The following AUTS2 variants were observed in gnomAD, a reference collection of about 807,000 sequenced individuals.
AUTS2 encodes the protein activator of transcription and developmental regulator AUTS2, also known as autism susceptibility gene 2 protein.
A neutral mutation model predicts 112.4 loss-of-function variants in AUTS2; 17 were observed. The ratio of observed to expected loss-of-function variants is 0.15; its 90% CI spans 0.10 to 0.23. The LOEUF is 0.23. AUTS2 is among the 10% of genes least tolerant of loss of function. The pLI, the probability that AUTS2 is intolerant of heterozygous loss-of-function variation, is 1.00. For missense variants in AUTS2, 1,510 were observed against 1,701.6 expected (o/e 0.89, Z 1.98); for synonymous variants, 751 against 702.7 (o/e 1.07, Z -1.09).
chr7:70,249,403 G>A (rs1813095383), intron 4 of AUTS2, among the ~76,000 whole-genome samples: 1 of 152,086 alleles, frequency 6.6e-6, no homozygotes, highest in South Asian at 2.1e-4. Flanking sequence ...GAAACCATAT[G>A]GGACAGTTCT....
intron 1 of AUTS2, among the ~76,000 whole-genome samples, chr7:69,623,357 G>C (rs1188803021): frequency 6.8e-6 from 1 of 147,676 alleles, no homozygotes. Flanking sequence ...CAAAAAGCTG[G>C]GACTACCACC....
chr7:70,787,467 G>T (rs1157683111), intron 18 of AUTS2, 36 bp downstream of exon 18: 3 of 1,475,502 alleles, frequency 2.0e-6, no homozygotes, highest in African/African-American at 1.4e-5. Flanking sequence ...CCCCACGGGG[G>T]AGCCTGCTCT....
In AUTS2 at chr7:69,751,549, G is replaced by A. The variant is rs79038995; in HGVS notation, c.310-147737G>A. On this transcript the variant is annotated intron_variant, in intron 1 of 18. Transcript: ENST00000342771. ...GTAAGTGTATTTAGGCAGGTGGAAG[G>A]TAAGAAGGGTAGATGAAAGGATGAA... 3.0e-3 allele frequency among the ~76,000 whole-genome samples: 455 copies of A among 152,272 alleles called. 3 individuals are homozygous for A. Among genetic ancestry groups the A allele is most frequent in the African/African-American group, 0.01 (430 of 41,548 alleles).
At chr7:70,626,547 C>T (rs1804961015) in intron 5 of AUTS2, among the ~76,000 whole-genome samples, 1 of 151,970 alleles carries the variant, frequency 6.6e-6, no homozygotes, top group Non-Finnish European at 1.5e-5. Context: ...TTAGGGGCTA[C>T]ATGTGCAGGT....
rs1585691879 is a variant in AUTS2, at chr7:70,786,149, T to A, written c.2308+111T>A. ...GGAAACTATGCTCTGGGGGGACCAG[T>A]GTAGGTTATATCACTGCAAAAGCAG... On this transcript the variant is annotated intron_variant, in intron 17 of 18. Transcript: ENST00000342771. The A allele has an allele frequency of 4.9e-5, 45 of 917,584 alleles. No individual in the cohort carries two copies. In the East Asian group the frequency reaches 1.2e-3, roughly 24 times the overall value. 56.8% of individuals were successfully genotyped at this position (917,584 alleles called of 1,614,324 possible). A position where few individuals can be genotyped will look rare whatever the true frequency, so the allele number is the denominator to read the frequency against.
At chr7:70,559,693 GACTC>G (rs952607048) in intron 5 of AUTS2, among the ~76,000 whole-genome samples, 2 of 151,896 alleles carry the variant, frequency 1.3e-5, no homozygotes, top group African/African-American at 4.8e-5. Flanking sequence ...TTTTAGCACC[GACTC>G]ACTCCTTTCC....
intron 1 of AUTS2, 119 bp from the exon 2 acceptor site, chr7:69,899,167 A>C (rs1041903927): frequency 1.4e-6 from 1 of 720,694 alleles, no homozygotes; most frequent in Non-Finnish European, 2.3e-6. Flanking sequence ...CTCATATCCC[A>C]CTTTCCTATC....
chr7:70,685,154 T>G (rs1808404893), intron 5 of AUTS2, among the ~76,000 whole-genome samples: 1 of 152,062 alleles, frequency 6.6e-6, no homozygotes, highest in Non-Finnish European at 1.5e-5. Flanking sequence ...AAGCTAGAAA[T>G]GAGGGTCCTC....
At chr7:70,705,600 CAG>C (rs1158829682) in intron 6 of AUTS2, among the ~76,000 whole-genome samples, 2 of 152,226 alleles carry the variant, frequency 1.3e-5, no homozygotes, top group African/African-American at 4.8e-5. Context: ...CTCCTGAACT[CAG>C]AGGTGCTGTT....
intron 5 of AUTS2, among the ~76,000 whole-genome samples, chr7:70,496,293 C>T (rs1258053440): frequency 1.9e-4 from 26 of 136,868 alleles, no homozygotes; most frequent in Non-Finnish European, 2.8e-4. Flanking sequence ...CGATCACACA[C>T]CCCACTCACA....
In AUTS2 at chr7:70,739,003, C is replaced by CTTTTTTTTTTTTTTTTTTTTTTTT. The variant is rs57525224; in HGVS notation, c.743-23856_743-23833dup. On this transcript the variant is annotated intron_variant, in intron 6 of 18. Coordinates refer to ENST00000342771, the MANE Select transcript of AUTS2 (RefSeq NM_015570.4). ...GGTGATGTCCACGAGGTTTTGAGGCCTTTTTTTTTTTTTTTTTTTTTTTTT... is the reference window on the plus strand; with the variant it reads ...GGTGATGTCCACGAGGTTTTGAGGCCTTTTTTTTTTTTTTTTTTTTTTTTTTTTTTTTTTTTTTTTTTTTTTTTT... 1.0e-4 allele frequency among the ~76,000 whole-genome samples: 6 copies of CTTTTTTTTTTTTTTTTTTTTTTTT among 57,298 alleles called. 1 individual carries two copies. The highest frequency in any genetic ancestry group is 1.6e-4 in the Non-Finnish European group (5 of 31,710). The allele number at this position is 57,298 out of a possible 152,430, so 37.6% of individuals were successfully genotyped here.
chr7:70,448,881 T>TA (rs1350155205), intron 5 of AUTS2, among the ~76,000 whole-genome samples: 1 of 152,144 alleles, frequency 6.6e-6, no homozygotes, highest in Non-Finnish European at 1.5e-5. Flanking sequence ...CTGGACAAAA[T>TA]AATGGACCTC....
intron 4 of AUTS2, among the ~76,000 whole-genome samples, chr7:70,360,036 C>T (rs929702555): frequency 6.6e-6 from 1 of 152,178 alleles, no homozygotes; most frequent in Non-Finnish European, 1.5e-5. Context: ...TCATCTTTAT[C>T]TGACAGACAA....
At chr7:70,275,578 C>A (rs1331988889) in intron 4 of AUTS2, among the ~76,000 whole-genome samples, 1 of 152,094 alleles carries the variant, frequency 6.6e-6, no homozygotes, top group Non-Finnish European at 1.5e-5. Context: ...ATAAAATACA[C>A]AGACACTGGT....
chr7:70,422,944 A>T (rs751719147), intron 4 of AUTS2, among the ~76,000 whole-genome samples: 1 of 151,996 alleles, frequency 6.6e-6, no homozygotes, highest in Non-Finnish European at 1.5e-5. Context: ...TAATTTATTA[A>T]TTCTTTCACA....
At chr7:70,620,940 A>G (rs1204889512) in intron 5 of AUTS2, among the ~76,000 whole-genome samples, 1 of 152,224 alleles carries the variant, frequency 6.6e-6, no homozygotes, top group Non-Finnish European at 1.5e-5. Flanking sequence ...TCAGAAGACC[A>G]GTTCAGCAGC....
intron 2 of AUTS2, among the ~76,000 whole-genome samples, chr7:69,966,039 C>G (rs112755623): frequency 6.6e-6 from 1 of 152,252 alleles, no homozygotes; most frequent in Non-Finnish European, 1.5e-5. Context: ...CAGTGGTAAT[C>G]ACGCCTAAAA....
chr7:69,955,932 G>A (rs143269825), intron 2 of AUTS2, among the ~76,000 whole-genome samples: 46 of 152,208 alleles, frequency 3.0e-4, no homozygotes, highest in African/African-American at 9.1e-4. Flanking sequence ...TATATGTGAC[G>A]TACATTGTCT....
At chr7:69,747,613 A>G (rs1787548050) in intron 1 of AUTS2, among the ~76,000 whole-genome samples, 1 of 152,198 alleles carries the variant, frequency 6.6e-6, no homozygotes, top group Non-Finnish European at 1.5e-5. Flanking sequence ...AACTAGAAGT[A>G]GCAACGGTAG....
Sources: gnomAD v4.1 joint callset for allele counts (sites outside exome capture counted in the v4.1 genomes callset) on GRCh38, gnomAD v4.1.1 for gene constraint, MANE v1.5 for transcripts, NCBI Gene and HGNC (gene_info 2026-07-23, HGNC 2026-07-21) for gene names.